Variants in KRABD3 observed in about 807,000 individuals in gnomAD.
KRABD3 encodes the protein KRAB domain containing 3, also known as KRAB domain-containing protein 3.
chr7:149,718,174 A>T, the KRABD3 span, among the ~76,000 whole-genome samples: 1 of 152,112 alleles, frequency 6.6e-6, no homozygotes, highest in Admixed American at 6.5e-5. Context: ...TGGGAGACCA[A>T]TGTGGGAGAA....
chr7:149,716,421 T>A, the KRABD3 span, among the ~76,000 whole-genome samples: 1 of 152,192 alleles, frequency 6.6e-6, no homozygotes, highest in East Asian at 1.9e-4. Flanking sequence ...CGGTGGTGTG[T>A]GGGCAGAGCC....
At chr7:149,727,066 C>T in the KRABD3 span, among the ~76,000 whole-genome samples, 6 of 152,302 alleles carry the variant, frequency 3.9e-5, no homozygotes, top group African/African-American at 1.2e-4. Flanking sequence ...TGTGCCTCCC[C>T]GGCTCACTCC....
the KRABD3 span, chr7:149,733,597 G>A: frequency 6.3e-6 from 10 of 1,596,686 alleles, no homozygotes; most frequent in Non-Finnish European, 7.7e-6. Context: ...AGGGACCCAC[G>A]AGGCCTAAAC....
chr7:149,734,211 C>T, the KRABD3 span: 1 of 963,270 alleles, frequency 1.0e-6, no homozygotes, highest in Non-Finnish European at 1.5e-6. Context: ...CCCCCAGGTG[C>T]TGTTTGCTCA....
At chr7:149,724,721 T>C in the KRABD3 span, 11 of 1,551,692 alleles carry the variant, frequency 7.1e-6, no homozygotes, top group Non-Finnish European at 9.6e-6. Flanking sequence ...TCTGTGAAGA[T>C]GGAGAACAGC....
chr7:149,720,951 C>T, the KRABD3 span: 78 of 1,613,682 alleles, frequency 4.8e-5, no homozygotes, highest in South Asian at 5.1e-4. Flanking sequence ...GAGCGAGAGC[C>T]GGGGAGCCAG....
chr7:149,733,185 C>G, the KRABD3 span: 3 of 1,569,318 alleles, frequency 1.9e-6, no homozygotes, highest in Non-Finnish European at 2.6e-6. Context: ...GAACTCTGAC[C>G]GGTCCTTGCT....
chr7:149,732,495 G>A, the KRABD3 span, among the ~76,000 whole-genome samples: 54 of 152,324 alleles, frequency 3.5e-4, no homozygotes, highest in Non-Finnish European at 5.4e-4. This position sits in a 1 kb window ranked among gnomAD's most constrained non-coding sequence, Gnocchi z 4.0. Flanking sequence ...CCATCTCTGC[G>A]CCCGGCCTGG....
chr7:149,733,486 C>T, the KRABD3 span: 2 of 1,581,204 alleles, frequency 1.3e-6, no homozygotes, highest in Non-Finnish European at 8.6e-7. Context: ...GCCCCCAAGG[C>T]CCTGGGCCAA....
chr7:149,729,748 C>G, the KRABD3 span: 5 of 985,418 alleles, frequency 5.1e-6, no homozygotes, highest in Non-Finnish European at 6.0e-6. Flanking sequence ...TGCTGACCCT[C>G]CCATCAGACG....
At chr7:149,733,460 A>G in the KRABD3 span, 1 of 1,585,416 alleles carries the variant, frequency 6.3e-7, no homozygotes, top group African/African-American at 1.3e-5. Flanking sequence ...GACCCAGGTG[A>G]ATCGGCTGGG....
At chr7:149,724,783 C>T in the KRABD3 span, 10 of 1,589,312 alleles carry the variant, frequency 6.3e-6, no homozygotes, top group Admixed American at 1.7e-5. Context: ...CAGGCAGCCC[C>T]TCAGTCCCTC....
the KRABD3 span, among the ~76,000 whole-genome samples, chr7:149,731,172 G>C: frequency 6.6e-6 from 1 of 152,222 alleles, no homozygotes; most frequent in Admixed American, 6.5e-5. Context: ...AGTGGTAGAA[G>C]GAGGGAGAAG....
chr7:149,720,235 C>T, the KRABD3 span: 9 of 1,252,654 alleles, frequency 7.2e-6, 1 homozygote, highest in South Asian at 1.2e-4. Flanking sequence ...TCCCTGCCTC[C>T]CCTACTGCAA....
the KRABD3 span, chr7:149,729,656 G>T: frequency 1.0e-6 from 1 of 985,464 alleles, no homozygotes; most frequent in South Asian, 4.7e-5. Flanking sequence ...CACTGCTGCT[G>T]CTTGGTTTAA....
chr7:149,723,164 TG>T, the KRABD3 span, among the ~76,000 whole-genome samples: 1 of 152,228 alleles, frequency 6.6e-6, no homozygotes, highest in Non-Finnish European at 1.5e-5. Context: ...GGCTTTGCCC[TG>T]GTTTCTTCAT....
chr7:149,723,920 C>A, the KRABD3 span: 70 of 1,609,014 alleles, frequency 4.4e-5, no homozygotes, highest in African/African-American at 8.4e-4. Context: ...TGGGAGGGCC[C>A]CCAGACATCC....
At chr7:149,731,853 G>C in the KRABD3 span, 3 of 1,075,932 alleles carry the variant, frequency 2.8e-6, no homozygotes, top group Non-Finnish European at 4.2e-6. Flanking sequence ...CAGCCTTCCA[G>C]GGTCAGTGTT....
the KRABD3 span, among the ~76,000 whole-genome samples, chr7:149,728,279 C>A: frequency 1.3e-5 from 2 of 152,350 alleles, no homozygotes; most frequent in Non-Finnish European, 2.9e-5. Flanking sequence ...GAGCCCACAC[C>A]TGTGGCCAAC....
Sources: allele counts gnomAD v4.1 joint callset (sites outside exome capture counted in the v4.1 genomes callset), GRCh38; gene constraint gnomAD v4.1.1; non-coding constraint Gnocchi (gnomAD v3.1); transcripts MANE v1.5; gene names NCBI Gene and HGNC (gene_info 2026-07-23, HGNC 2026-07-21).